SHISA9: variants seen among roughly 807,000 people sequenced by gnomAD.
The protein encoded by SHISA9 is protein shisa-9.
Under a neutral mutation model 38.0 loss-of-function variants are expected in SHISA9, and 13 were observed. The ratio of observed to expected loss-of-function variants is 0.34; its 90% CI spans 0.22 to 0.54. The LOEUF is 0.54. SHISA9 is among the 20% of genes least tolerant of loss of function. SHISA9 has a pLI of 0.91. For missense variants in SHISA9, 538 were observed against 575.8 expected (o/e 0.93, Z 0.67); for synonymous variants, 275 against 242.0 (o/e 1.14, Z -1.27).
chr16:13,288,567 A>T, the SHISA9 span, among the ~76,000 whole-genome samples: 1 of 152,116 alleles, frequency 6.6e-6, no homozygotes, highest in Non-Finnish European at 1.5e-5. Context: ...AGGCTGAGGC[A>T]GGTGGATCAT....
chr16:13,155,014 G>C (rs1427321368), intron 2 of SHISA9, among the ~76,000 whole-genome samples: 1 of 152,164 alleles, frequency 6.6e-6, no homozygotes, highest in African/African-American at 2.4e-5. Flanking sequence ...CTTCCTGTAG[G>C]AGTTATTGGC....
intron 2 of SHISA9, among the ~76,000 whole-genome samples, chr16:13,025,825 G>T (rs1464400574): frequency 6.6e-6 from 1 of 151,588 alleles, no homozygotes; most frequent in African/African-American, 2.4e-5. Context: ...TTTTGGGGGG[G>T]ATGGAGTTTT....
the SHISA9 span, among the ~76,000 whole-genome samples, chr16:13,303,855 C>T: frequency 6.6e-6 from 1 of 152,148 alleles, no homozygotes; most frequent in Non-Finnish European, 1.5e-5. Flanking sequence ...CACCCTGTGG[C>T]TTAACACTTG....
At chr16:13,462,346 A>G in the SHISA9 span, among the ~76,000 whole-genome samples, 1 of 152,228 alleles carries the variant, frequency 6.6e-6, no homozygotes, top group Non-Finnish European at 1.5e-5. Context: ...CAAAAGAAAC[A>G]GCATGTATAA....
At chr16:13,363,567 T>G in the SHISA9 span, among the ~76,000 whole-genome samples, 2 of 152,128 alleles carry the variant, frequency 1.3e-5, no homozygotes, top group Non-Finnish European at 2.9e-5. Context: ...AAAAACTATG[T>G]GCAAAGAAGT....
At chr16:13,527,930 T>G in the SHISA9 span, among the ~76,000 whole-genome samples, 7 of 152,146 alleles carry the variant, frequency 4.6e-5, no homozygotes, top group Non-Finnish European at 8.8e-5. Context: ...AAATCTAAGA[T>G]TTGGAGTCAG....
chr16:13,516,854 A>G, the SHISA9 span, among the ~76,000 whole-genome samples: 1 of 152,078 alleles, frequency 6.6e-6, no homozygotes, highest in Non-Finnish European at 1.5e-5. Flanking sequence ...ACATACATCC[A>G]TTATTTCATT....
intron 1 of SHISA9, among the ~76,000 whole-genome samples, chr16:12,905,198 C>G (rs878970716): frequency 6.6e-6 from 1 of 152,170 alleles, no homozygotes; most frequent in Admixed American, 6.5e-5. Flanking sequence ...GAGACAGGTA[C>G]TATTTTAATA....
rs569880129 is a variant in SHISA9, at chr16:13,123,417, A to G, written c.692-79977A>G. Among the ~76,000 whole-genome samples, 5 of 152,340 alleles carry G rather than the reference A, an allele frequency of 3.3e-5. No individual in the cohort carries two copies. The East Asian group carries it at 9.6e-4, about 29-fold the overall frequency. ...ATTGGGAGTGGCTGCTCGATGGGAA[A>G]TTGATTAATGGTGCCTGTTAAGGAT... On this transcript the variant is annotated intron_variant, in intron 2 of 4. Coordinates refer to ENST00000558583, the MANE Select transcript of SHISA9 (RefSeq NM_001145204.3).
At chr16:13,315,071 C>T in the SHISA9 span, among the ~76,000 whole-genome samples, 3 of 117,144 alleles carry the variant, frequency 2.6e-5, no homozygotes, top group East Asian at 2.6e-4. Flanking sequence ...TGTGTGTGCA[C>T]CCTTGTCAAA....
chr16:13,053,662 G>C (rs570031410), intron 2 of SHISA9, among the ~76,000 whole-genome samples: 1 of 151,840 alleles, frequency 6.6e-6, no homozygotes, highest in African/African-American at 2.4e-5. Flanking sequence ...ATCTTTCTTC[G>C]TGTATCTTAA....
At chr16:13,243,252 AAGAAAG>A (rs2051448276), downstream of SHISA9, among the ~76,000 whole-genome samples, 2 of 120,506 alleles carry the variant, frequency 1.7e-5, no homozygotes, top group African/African-American at 6.7e-5. Flanking sequence ...AAAAAAAAAA[AAGAAAG>A]AAAGTTTATT....
At chr16:13,189,126 G>A (rs1433771783) in intron 2 of SHISA9, among the ~76,000 whole-genome samples, 2 of 152,118 alleles carry the variant, frequency 1.3e-5, no homozygotes, top group South Asian at 2.1e-4. Context: ...TTCTAGCTCT[G>A]GGGACTGTGA....
At chr16:13,047,445 C>T (rs958997653) in intron 2 of SHISA9, among the ~76,000 whole-genome samples, 4 of 152,112 alleles carry the variant, frequency 2.6e-5, no homozygotes, top group African/African-American at 9.7e-5. Context: ...GCAGTTTTTA[C>T]TTTGAACAAA....
chr16:12,943,330 T>TGAGA (rs375325532), intron 2 of SHISA9, among the ~76,000 whole-genome samples: 21 of 27,980 alleles, frequency 7.5e-4, no homozygotes, highest in East Asian at 2.8e-3. Context: ...TGTGTGTGTG[T>TGAGA]GAGAGAGAGA....
the SHISA9 span, among the ~76,000 whole-genome samples, chr16:13,302,706 A>G: frequency 6.6e-6 from 1 of 152,278 alleles, no homozygotes; most frequent in Non-Finnish European, 1.5e-5. Flanking sequence ...GGTAGTCTTC[A>G]TTCATGCGAG....
At chr16:13,097,138 A>C (rs1040804059) in intron 2 of SHISA9, among the ~76,000 whole-genome samples, 2 of 152,194 alleles carry the variant, frequency 1.3e-5, no homozygotes, top group African/African-American at 4.8e-5. Context: ...GTAATACTAA[A>C]TGGGTGAATG....
chr16:13,466,797 T>A, the SHISA9 span, among the ~76,000 whole-genome samples: 1 of 152,244 alleles, frequency 6.6e-6, no homozygotes, highest in Non-Finnish European at 1.5e-5. Flanking sequence ...TAAGCATTGT[T>A]AATTTTACAT....
intron 2 of SHISA9, among the ~76,000 whole-genome samples, chr16:12,987,599 G>A (rs1048323220): frequency 6.6e-6 from 1 of 152,170 alleles, no homozygotes; most frequent in Non-Finnish European, 1.5e-5. Context: ...TGTCAGGGAA[G>A]CTGGGGGAGG....
Sources: gnomAD v4.1 joint callset for allele counts (sites outside exome capture counted in the v4.1 genomes callset) on GRCh38, gnomAD v4.1.1 for gene constraint, MANE v1.5 for transcripts, NCBI Gene and HGNC (gene_info 2026-07-23, HGNC 2026-07-21) for gene names.